The following NSUN6 variants were observed in gnomAD, a reference collection of about 807,000 sequenced individuals.
The protein encoded by NSUN6 is NOP2/Sun RNA methyltransferase 6.
Under a neutral mutation model 58.0 loss-of-function variants are expected in NSUN6, and 64 were observed. The observed-to-expected ratio is 1.10, with a 90% CI of 0.90 to 1.36. NSUN6 has a LOEUF of 1.36. Among genes scored for constraint, NSUN6 ranks in the 40% most tolerant of loss-of-function variants. NSUN6 has a pLI of 0.00. For synonymous variants in NSUN6, 231 were observed against 193.9 expected (o/e 1.19, Z -1.59); for missense variants, 701 against 550.1 (o/e 1.27, Z -2.74).
intron 8 of NSUN6, among the ~76,000 whole-genome samples, chr10:18,566,359 C>G (rs541492882): frequency 2.1e-4 from 31 of 151,106 alleles, no homozygotes; most frequent in Non-Finnish European, 3.9e-4. Context: ...GCAATCCATT[C>G]CACTCCACAT....
Position 18,586,054 on chromosome 10 carries a change from C to G in NSUN6, c.817G>C (p.Glu273Gln), listed in dbSNP as rs983263188. The change falls in exon 8 of 11, where the codon GAA (glutamate) becomes CAA (glutamine). Residue 273 changes from glutamate (E) to glutamine (Q), a missense_variant. Glu to Gln is a conservative substitution (Grantham distance 29). Coordinates refer to ENST00000377304, the MANE Select transcript of NSUN6 (RefSeq NM_182543.5). ...IALDKIFNKV[E>Q]KIKQNALLLG... Reference sequence around the variant, plus strand: ...AATAAGGCATTCTGTTTGATTTTTTCTACTTTGTTGAAGATTTTATCCAGT... The same window carrying G: ...AATAAGGCATTCTGTTTGATTTTTTGTACTTTGTTGAAGATTTTATCCAGT... 4.4e-6 allele frequency: 7 copies of G among 1,608,850 alleles called. No individual in the cohort carries two copies. Among genetic ancestry groups the G allele is most frequent in the African/African-American group, 1.3e-5 (1 of 74,508 alleles).
intron 8 of NSUN6, among the ~76,000 whole-genome samples, chr10:18,583,074 G>T (rs553922963): frequency 6.6e-6 from 1 of 152,120 alleles, no homozygotes; most frequent in African/African-American, 2.4e-5. Context: ...AAAAACCACA[G>T]CCAGTTCCTG....
At chr10:18,578,723 C>T (rs188738314) in intron 8 of NSUN6, among the ~76,000 whole-genome samples, 230 of 152,304 alleles carry the variant, frequency 1.5e-3, no homozygotes, top group African/African-American at 5.4e-3. Context: ...TAAAACACAG[C>T]TCACAACAGT....
intron 3 of NSUN6, 124 bp from the exon 4 acceptor site, chr10:18,616,417 G>A (rs1423240715): frequency 1.5e-5 from 8 of 547,756 alleles, no homozygotes; most frequent in South Asian, 8.3e-5. Context: ...ATAAGAAAAC[G>A]CTGAAAAGAG....
intron 6 of NSUN6, among the ~76,000 whole-genome samples, chr10:18,608,820 C>G (rs2058130009): frequency 6.6e-6 from 1 of 151,988 alleles, no homozygotes; most frequent in African/African-American, 2.4e-5. Flanking sequence ...AATAAACAAG[C>G]ACAAAAAAAC....
intron 6 of NSUN6, among the ~76,000 whole-genome samples, chr10:18,605,990 T>C (rs761414744): frequency 6.6e-6 from 1 of 152,092 alleles, no homozygotes; most frequent in African/African-American, 2.4e-5. Flanking sequence ...GTAAGTGAGA[T>C]TGCTGGATCA....
chr10:18,638,947 T>TAAAAAAAAAAA, intron 3 of NSUN6, among the ~76,000 whole-genome samples: 1 of 107,070 alleles, frequency 9.3e-6, no homozygotes, highest in Non-Finnish European at 1.8e-5. Context: ...TTGACAATGT[T>TAAAAAAAAAAA]AAAAAAAAAA....
chr10:18,636,861 C>G (rs1037318253), intron 3 of NSUN6, among the ~76,000 whole-genome samples: 9 of 150,762 alleles, frequency 6.0e-5, no homozygotes, highest in Non-Finnish European at 1.0e-4. Flanking sequence ...TGCACTCCAG[C>G]CTGGGCGACA....
chr10:18,549,290 C>G (rs572446534), intron 9 of NSUN6, among the ~76,000 whole-genome samples: 8 of 152,314 alleles, frequency 5.3e-5, no homozygotes, highest in African/African-American at 1.4e-4. Flanking sequence ...TTTGGCAACA[C>G]TGGCCTCCTG....
At chr10:18,624,513 G>A (rs556525102) in intron 3 of NSUN6, among the ~76,000 whole-genome samples, 4 of 151,570 alleles carry the variant, frequency 2.6e-5, no homozygotes, top group South Asian at 4.2e-4. Context: ...AAAATTAGCC[G>A]GGCATGGTGG....
chr10:18,549,212 G>A (rs1327153436), intron 9 of NSUN6, among the ~76,000 whole-genome samples: 1 of 152,116 alleles, frequency 6.6e-6, no homozygotes, highest in Non-Finnish European at 1.5e-5. Context: ...TTTGAGGTCA[G>A]ACATAAACAA....
intron 7 of NSUN6, among the ~76,000 whole-genome samples, chr10:18,593,319 A>ACCAGAAATACCATTTGAC (rs1308399915): frequency 6.6e-6 from 1 of 152,214 alleles, no homozygotes; most frequent in Non-Finnish European, 1.5e-5. Flanking sequence ...AGGATCTAGA[A>ACCAGAAATACCATTTGAC]CCAGAAATAC....
At chr10:18,624,647 C>CAAAAAAAA (rs10671283) in intron 3 of NSUN6, among the ~76,000 whole-genome samples, 3,428 of 76,596 alleles carry the variant, frequency 0.045, 312 homozygotes, top group Non-Finnish European at 0.067. Flanking sequence ...GACTCTGTCT[C>CAAAAAAAA]AAAAAAAAAA....
intron 6 of NSUN6, among the ~76,000 whole-genome samples, chr10:18,607,047 A>C (rs2058072731): frequency 1.3e-5 from 2 of 152,250 alleles, no homozygotes; most frequent in African/African-American, 4.8e-5. Flanking sequence ...TGACAAAAGC[A>C]AAAATAATTT....
At chr10:18,583,749 G>C (rs1228283736) in intron 8 of NSUN6, among the ~76,000 whole-genome samples, 1 of 152,096 alleles carries the variant, frequency 6.6e-6, no homozygotes, top group African/African-American at 2.4e-5. Context: ...CACTAGAGGG[G>C]CTCAACCAGA....
At chr10:18,599,448 T>C (rs2057721075) in intron 6 of NSUN6, among the ~76,000 whole-genome samples, 1 of 152,290 alleles carries the variant, frequency 6.6e-6, no homozygotes. Context: ...TTTACACTGG[T>C]TATGCAGTAT....
chr10:18,590,353 A>C (rs758524324), intron 7 of NSUN6, among the ~76,000 whole-genome samples: 4 of 152,244 alleles, frequency 2.6e-5, no homozygotes, highest in Non-Finnish European at 5.9e-5. Flanking sequence ...TCAATGAGAC[A>C]GAAAATTAAC....
intron 8 of NSUN6, among the ~76,000 whole-genome samples, chr10:18,566,226 C>T (rs1483349774): frequency 1.5e-5 from 2 of 130,418 alleles, no homozygotes; most frequent in East Asian, 6.0e-4. Context: ...TAATCCATTC[C>T]ATTCCGCAAT....
chr10:18,582,830 C>T (rs1440063406), intron 8 of NSUN6, among the ~76,000 whole-genome samples: 2 of 152,178 alleles, frequency 1.3e-5, no homozygotes, highest in African/African-American at 4.8e-5. Context: ...ATCTCAGCTG[C>T]ACATGCTGAA....
Sources: allele counts gnomAD v4.1 joint callset (sites outside exome capture counted in the v4.1 genomes callset), GRCh38; gene constraint gnomAD v4.1.1; transcripts MANE v1.5; gene names NCBI Gene and HGNC (gene_info 2026-07-23, HGNC 2026-07-21).